The following HRNR variants were observed in gnomAD, a reference collection of about 807,000 sequenced individuals.
HRNR encodes the protein filaggrin family member 3.
Under a neutral mutation model 4.8 loss-of-function variants are expected in HRNR, and 7 were observed. The ratio of observed to expected loss-of-function variants is 1.47; its 90% CI spans 0.83 to 2.75. The LOEUF (loss-of-function observed/expected upper bound fraction) is 2.75. HRNR is among the 30% of genes most tolerant of loss of function. The probability of loss-of-function intolerance (pLI) is 0.00; values close to 1 mark genes in which losing one functional copy is unlikely to be tolerated. For missense variants in HRNR, 2,879 were observed against 3,010.4 expected (o/e 0.96, Z 1.02); for synonymous variants, 1,023 against 1,242.7 (o/e 0.82, Z 3.72).
At position 152,220,738 on chromosome 1, in the gene HRNR, G is replaced by T. The variant is rs181316581; in HGVS notation, c.891C>A (p.Gly297=). 3.1e-6 allele frequency: 5 copies of T among 1,614,078 alleles called. No individual in the cohort carries two copies. Among genetic ancestry groups the T allele is most frequent in the East Asian group, 2.2e-5 (1 of 44,864 alleles). The stretch of plus-strand genomic sequence containing the variant: ...ACTGGCGAGATCCAGACCCTTGTCG[G>T]CCGTGGCCCAAAGACTGACGGGAAC... ...GSGSRQSLGH[G]RQGSGSRQSP... is the part of the protein sequence containing the mutation. The change falls in exon 3 of 3, where the codon GGC becomes GGA. Residue 297 remains glycine, a synonymous_variant. Transcript: ENST00000368801.
rs918609229 is a variant in HRNR at position 152,212,186 on chromosome 1, C to G, written c.*890G>C. Reference sequence around the variant, plus strand: ...AAATTAAGGAACTATGTAGCAGTGACAGATACTCTTCCTTTTCATCTGGGC... The same window carrying G: ...AAATTAAGGAACTATGTAGCAGTGAGAGATACTCTTCCTTTTCATCTGGGC... On this transcript the variant is annotated 3_prime_UTR_variant, in exon 3 of 3. Coordinates refer to ENST00000368801, the MANE Select transcript of HRNR (RefSeq NM_001009931.3). 1 of 152,186 alleles carries G rather than the reference C, an allele frequency of 6.6e-6. No homozygotes were observed. Among genetic ancestry groups the G allele is most frequent in the Non-Finnish European group, 1.5e-5 (1 of 68,032 alleles). The allele number at this position is 152,186 out of a possible 1,614,324, so 9.4% of individuals were successfully genotyped here. A position where few individuals can be genotyped will look rare whatever the true frequency, so the allele number is the denominator to read the frequency against.
chr1:152,219,415 C>A lies in HRNR; in HGVS notation c.2214G>T (p.Arg738Ser), dbSNP rs577535309. The A allele has an allele frequency of 6.2e-7, 1 of 1,613,864 alleles. No homozygotes were observed. Among genetic ancestry groups the A allele is most frequent in the Non-Finnish European group, 8.5e-7 (1 of 1,179,964 alleles). The part of the protein sequence containing the change: ...KHGSRSGQSS[R>S]SEQHGSSSGL... ...CTGAGCTAGATCCGTGTTGTTCACT[C>A]CTAGATGACTGTCCTGACCTAGAGC... The change falls in exon 3 of 3, where the codon AGG (arginine) becomes AGT (serine). Residue 738 changes from arginine to serine, a missense_variant. By Grantham distance (110) the Arg-to-Ser change is moderately radical. Around this residue, in one of 8 missense-constraint regions of HRNR, gnomAD observed 2,646 missense variants for 1,377.7 expected, o/e 1.92. Transcript: ENST00000368801.
Position 152,220,532 on chromosome 1 carries a change from G to C in HRNR, c.1097C>G (p.Ser366Cys), listed in dbSNP as rs1320029422. 6.2e-7 allele frequency: 1 copy of C among 1,611,650 alleles called. No individual in the cohort carries two copies. Among genetic ancestry groups the C allele is most frequent in the African/African-American group, 1.3e-5 (1 of 74,888 alleles). ...CTGGCTAGAGGAGTGACCTGAGCCA[G>C]AACCATGCTTACTATAGCCAGAGGA... Reference protein sequence around the residue: ...GQSSGYSKHGSGSGHSSSQGQ... With the variant: ...GQSSGYSKHGCGSGHSSSQGQ... The change falls in exon 3 of 3, where the codon TCT becomes TGT. Residue 366 changes from serine (S) to cysteine (C), a missense_variant. By Grantham distance (112) the Ser-to-Cys change is moderately radical. This residue lies in a region of HRNR where 2,646 missense variants were observed against 1,377.7 expected (regional missense o/e 1.92). Transcript: ENST00000368801.
Position 152,219,744 on chromosome 1 carries a change from T to G in HRNR, c.1885A>C (p.Thr629Pro). The change falls in exon 3 of 3, where the codon ACC (threonine) becomes CCC (proline). Residue 629 changes from threonine (T) to proline (P), a missense_variant. By Grantham distance (38) the Thr-to-Pro change is conservative. Coordinates refer to ENST00000368801, the MANE Select transcript of HRNR (RefSeq NM_001009931.3). ...QSSSCGQHGATSGQSSSHGQH... is the reference protein window; with the variant it reads ...QSSSCGQHGAPSGQSSSHGQH... ...CCGTGGCTGGAAGACTGACCTGAGGTAGCTCCATGTTGGCCACAGCTCGAT... is the reference window on the plus strand; with the variant it reads ...CCGTGGCTGGAAGACTGACCTGAGGGAGCTCCATGTTGGCCACAGCTCGAT... 3.1e-6 allele frequency: 5 copies of G among 1,613,266 alleles called. No homozygotes were observed. Among genetic ancestry groups the G allele is most frequent in the Non-Finnish European group, 3.4e-6 (4 of 1,179,596 alleles).
Position 152,220,970 on chromosome 1 carries a change from G to C in HRNR, c.659C>G (p.Thr220Arg). 6.2e-7 allele frequency: 1 copy of C among 1,613,988 alleles called. No homozygotes were observed. The highest frequency in any genetic ancestry group is 8.5e-7 in the Non-Finnish European group (1 of 1,179,970). Residue 220 changes from threonine (T) to arginine (R), a missense_variant, in exon 3 of 3, where the codon ACA becomes AGA. By Grantham distance (71) the Thr-to-Arg change is moderately conservative. This residue lies in a region of HRNR where 2,646 missense variants were observed against 1,377.7 expected (regional missense o/e 1.92). Coordinates refer to ENST00000368801, the MANE Select transcript of HRNR (RefSeq NM_001009931.3). Reference protein sequence around the residue: ...SGSGQSSSNDTHGSGSGQSSG... With the variant: ...SGSGQSSSNDRHGSGSGQSSG... ...AGACTGGCCTGAGCCAGACCCATGT[G>C]TGTCATTGCTGGAAGACTGTCCGGA...
intron 2 of HRNR, among the ~76,000 whole-genome samples, chr1:152,222,081 A>G (rs766028792): frequency 2.4e-4 from 37 of 152,188 alleles, no homozygotes; most frequent in Non-Finnish European, 4.7e-4. Flanking sequence ...AGAGGAAATG[A>G]TGCCTTTTGA....
Position 152,218,873 on chromosome 1 carries a change from C to A in HRNR, c.2756G>T (p.Ser919Ile), listed in dbSNP as rs781486263. ...HGSGSGRSSS[S>I]GRHGSGSGQS... Reference sequence around the variant, plus strand: ...GCCTGAGCCAGACCCATGTCGGCCACTGCTGGAAGACCGACCGGAGCCAGA... The same window carrying A: ...GCCTGAGCCAGACCCATGTCGGCCAATGCTGGAAGACCGACCGGAGCCAGA... Residue 919 changes from serine (S) to isoleucine (I), a missense_variant, in exon 3 of 3, where the codon AGT (serine) becomes ATT (isoleucine). Coordinates refer to ENST00000368801, the MANE Select transcript of HRNR (RefSeq NM_001009931.3). The A allele has an allele frequency of 6.2e-7, 1 of 1,612,856 alleles. No homozygotes were observed.
rs752141082 is a variant in HRNR at position 152,220,346 on chromosome 1, T to A, written c.1283A>T (p.Gln428Leu). 2 of 1,613,002 alleles carry A rather than the reference T, an allele frequency of 1.2e-6. No homozygotes were observed. Residue 428 changes from glutamine (Q) to leucine (L), a missense_variant, in exon 3 of 3, where the codon CAG becomes CTG. Physicochemically the swap from Gln to Leu is moderately radical, Grantham distance 113. Coordinates refer to ENST00000368801, the MANE Select transcript of HRNR (RefSeq NM_001009931.3). The stretch of plus-strand genomic sequence containing the variant: ...AGACTGCCCTGACCCAGACCCACGC[T>A]GGCCGTGGCCTGGAGACTGGCCAGA... ...SGSGQSPGHG[Q>L]RGSGSGQSPS...
rs1412048059 is a variant in HRNR, at chr1:152,212,079, T to A, written c.*997A>T. On this transcript the variant is annotated 3_prime_UTR_variant, in exon 3 of 3. Transcript: ENST00000368801. ...AGCACAGATGAGAAAAGTCTTAGTA[T>A]TTAATCAACATTTATTTATTGTCAA... The A allele has an allele frequency of 6.6e-6, 1 of 152,244 alleles. No individual in the cohort carries two copies. Among genetic ancestry groups the A allele is most frequent in the Non-Finnish European group, 1.5e-5 (1 of 68,034 alleles). 9.4% of individuals were successfully genotyped at this position (152,244 alleles called of 1,614,324 possible). A position where few individuals can be genotyped will look rare whatever the true frequency, so the allele number is the denominator to read the frequency against.
At position 152,213,339 on chromosome 1, in the gene HRNR, C is replaced by G. The variant is rs79936636; in HGVS notation, c.8290G>C (p.Ala2764Pro). ...TGGCTAAGAGACTGGCCAGATCCAG[C>G]CCCATGTCGGCCATAGCCAGAAGAC... The part of the protein sequence containing the change: ...SQSSGYGRHG[A>P]GSGQSLSHGR... Residue 2764 changes from alanine (A) to proline (P), a missense_variant, in exon 3 of 3, where the codon GCT becomes CCT. Around this residue, in one of 8 missense-constraint regions of HRNR, gnomAD observed 158 missense variants for 107.6 expected, o/e 1.47. Coordinates refer to ENST00000368801, the MANE Select transcript of HRNR (RefSeq NM_001009931.3). The G allele has an allele frequency of 1.2e-3, 607 of 525,190 alleles. 214 individuals carry two copies. The highest frequency in any genetic ancestry group is 0.01 in the South Asian group (562 of 53,852). 32.5% of individuals were successfully genotyped at this position (525,190 alleles called of 1,614,324 possible). A position where few individuals can be genotyped will look rare whatever the true frequency, so the allele number is the denominator to read the frequency against.
rs746240460 is a variant in HRNR at position 152,219,047 on chromosome 1, G to C, written c.2582C>G (p.Ser861Ter). The change falls in exon 3 of 3, where the codon TCA (serine) becomes TGA (stop). Residue 861 changes from serine to a stop codon, truncating the protein, a stop_gained. Coordinates refer to ENST00000368801, the MANE Select transcript of HRNR (RefSeq NM_001009931.3). LOFTEE classifies it low-confidence loss of function (END_TRUNC). The part of the protein sequence containing the change: ...SSSSGQHDSS[S>*]GQSSSYGQHE... ...CTGACCATAGCTGGAAGATTGACCTGAGCTAGAGTCATGTTGGCCGGAGCT... is the reference window on the plus strand; with the variant it reads ...CTGACCATAGCTGGAAGATTGACCTCAGCTAGAGTCATGTTGGCCGGAGCT... The C allele has an allele frequency of 1.2e-6, 2 of 1,613,918 alleles. No homozygotes were observed. Among genetic ancestry groups the C allele is most frequent in the Non-Finnish European group, 1.7e-6 (2 of 1,179,998 alleles).
rs775124249 is a variant in HRNR at position 152,219,746 on chromosome 1, G to A, written c.1883C>T (p.Ala628Val). Residue 628 changes from alanine (A) to valine (V), a missense_variant, in exon 3 of 3, where the codon GCT becomes GTT. Ala to Val is a moderately conservative substitution (Grantham distance 64). Transcript: ENST00000368801. ...GTGGCTGGAAGACTGACCTGAGGTA[G>A]CTCCATGTTGGCCACAGCTCGATGA... ...GQSSSCGQHGATSGQSSSHGQ... is the reference protein window; with the variant it reads ...GQSSSCGQHGVTSGQSSSHGQ... 2.5e-6 allele frequency: 4 copies of A among 1,613,588 alleles called. No homozygotes were observed. The highest frequency in any genetic ancestry group is 2.2e-5 in the East Asian group (1 of 44,830).
At position 152,212,957 on chromosome 1, in the gene HRNR, CATTG is replaced by C; in HGVS notation, c.*115_*118del. The stretch of plus-strand genomic sequence containing the variant: ...GGCTCTAAAGAAAGAGACAGAAATG[CATTG>C]ATTCACTTTTAGAACGAATTTCATG... On this transcript the variant is annotated 3_prime_UTR_variant, in exon 3 of 3. Transcript: ENST00000368801. 7 of 1,329,788 alleles carry C rather than the reference CATTG, an allele frequency of 5.3e-6. No individual in the cohort carries two copies. The highest frequency in any genetic ancestry group is 7.1e-6 in the Non-Finnish European group (7 of 979,038). 82.4% of individuals were successfully genotyped at this position (1,329,788 alleles called of 1,614,324 possible).
rs140120787 is a variant in HRNR at position 152,220,112 on chromosome 1, C to T, written c.1517G>A (p.Arg506Gln). 5.9e-4 allele frequency: 953 copies of T among 1,612,784 alleles called. 3 individuals carry two copies. The highest frequency in any genetic ancestry group is 5.8e-4 in the Non-Finnish European group (686 of 1,179,588). The stretch of plus-strand genomic sequence containing the variant: ...AGATGAACCTGCACTAGATCCTTGT[C>T]GTTCACCCCTAGATGACTGTCCTGA... ...SRSGQSSRGE[R>Q]QGSSAGSSSS... The change falls in exon 3 of 3, where the codon CGA (arginine) becomes CAA (glutamine). Residue 506 changes from arginine to glutamine, a missense_variant. Arg to Gln is a conservative substitution (Grantham distance 43, BLOSUM62 1). Coordinates refer to ENST00000368801, the MANE Select transcript of HRNR (RefSeq NM_001009931.3).
chr1:152,218,818 G>C lies in HRNR; in HGVS notation c.2811C>G (p.Ser937Arg), dbSNP rs200315427. The change falls in exon 3 of 3, where the codon AGC becomes AGG. Residue 937 changes from serine to arginine, a missense_variant. By Grantham distance (110) the Ser-to-Arg change is moderately radical (BLOSUM62 -1). Transcript: ENST00000368801. ...GQSSGFGHKS[S>R]SGQSSGYTQH... ...GAGTGTAACCAGAGGACTGCCCTGAGCTAGACTTGTGACCAAAGCCAGAAG... is the reference window on the plus strand; with the variant it reads ...GAGTGTAACCAGAGGACTGCCCTGACCTAGACTTGTGACCAAAGCCAGAAG... The C allele has an allele frequency of 1.9e-6, 3 of 1,612,492 alleles. No individual in the cohort carries two copies. In the East Asian group the frequency reaches 6.7e-5, roughly 36 times the overall value.
Position 152,220,926 on chromosome 1 carries a change from T to C in HRNR, c.703A>G (p.Lys235Glu), listed in dbSNP as rs780373785. 62 of 1,611,846 alleles carry C rather than the reference T, an allele frequency of 3.8e-5. No homozygotes were observed. Among genetic ancestry groups the C allele is most frequent in the East Asian group, 8.9e-5 (4 of 44,834 alleles). ...CCAGAGGACTGCCCTGAGCTAGACT[T>C]GTGTTGACTAAAGCCAGAAGACTGG... ...SGQSSGFSQHKSSSGQSSGYS... is the reference protein window; with the variant it reads ...SGQSSGFSQHESSSGQSSGYS... The change falls in exon 3 of 3, where the codon AAG becomes GAG. Residue 235 changes from lysine to glutamate, a missense_variant. Coordinates refer to ENST00000368801, the MANE Select transcript of HRNR (RefSeq NM_001009931.3).
At position 152,219,240 on chromosome 1, in the gene HRNR, C is replaced by G. The variant is rs1648831377; in HGVS notation, c.2389G>C (p.Gly797Arg). 3 of 1,613,582 alleles carry G rather than the reference C, an allele frequency of 1.9e-6. No homozygotes were observed. The South Asian group carries it at 3.3e-5, about 18-fold the overall frequency. ...CCACAGCTGGAAGAACAACTTGTGC[C>G]AGACCCGTGTTGGCCGTGGCTGGAG... ...HSSSHGQHGSGTSCSSSCGHY... is the reference protein window; with the variant it reads ...HSSSHGQHGSRTSCSSSCGHY... Residue 797 changes from glycine to arginine, a missense_variant, in exon 3 of 3, where the codon GGC becomes CGC. Around this residue, in one of 8 missense-constraint regions of HRNR, gnomAD observed 2,646 missense variants for 1,377.7 expected, o/e 1.92. Transcript: ENST00000368801.
At position 152,219,123 on chromosome 1, in the gene HRNR, C is replaced by T. The variant is rs1648819754; in HGVS notation, c.2506G>A (p.Gly836Ser). 1 of 1,613,682 alleles carries T rather than the reference C, an allele frequency of 6.2e-7. No homozygotes were observed. The highest frequency in any genetic ancestry group is 1.1e-5 in the South Asian group (1 of 91,058). The change falls in exon 3 of 3, where the codon GGT becomes AGT. Residue 836 changes from glycine to serine, a missense_variant. Physicochemically the swap from Gly to Ser is moderately conservative, Grantham distance 56 (BLOSUM62 0). Coordinates refer to ENST00000368801, the MANE Select transcript of HRNR (RefSeq NM_001009931.3). ...TGTCGTCCCTGGCTAGAGAAGTGAC[C>T]TGAGGCAGAACCATGCTGACTATAG... is the stretch of plus-strand genomic sequence containing the variant. ...QGYSQHGSAS[G>S]HFSSQGRHGS...
Position 152,219,127 on chromosome 1 carries a change from G to A in HRNR, c.2502C>T (p.Ala834=). 2 of 1,613,482 alleles carry A rather than the reference G, an allele frequency of 1.2e-6. No homozygotes were observed. Among genetic ancestry groups the A allele is most frequent in the Non-Finnish European group, 1.7e-6 (2 of 1,179,942 alleles). ...GTCCCTGGCTAGAGAAGTGACCTGA[G>A]GCAGAACCATGCTGACTATAGCCCT... The part of the protein sequence containing the change: ...SGQGYSQHGS[A]SGHFSSQGRH... The change falls in exon 3 of 3, where the codon GCC becomes GCT. Residue 834 remains alanine, a synonymous_variant. Transcript: ENST00000368801.
Sources: allele counts gnomAD v4.1 joint callset (sites outside exome capture counted in the v4.1 genomes callset), GRCh38; gene constraint gnomAD v4.1.1; regional missense constraint gnomAD v4.1.1; transcripts MANE v1.5; gene names NCBI Gene and HGNC (gene_info 2026-07-23, HGNC 2026-07-21).